Variants in RASAL2 observed in about 807,000 individuals in gnomAD.
The protein encoded by RASAL2 is ras GTPase-activating protein nGAP.
RASAL2 carries 58 observed loss-of-function variants against 128.9 expected under a neutral mutation model. The ratio of observed to expected loss-of-function variants is 0.45; its 90% confidence interval spans 0.36 to 0.56. RASAL2 has a LOEUF of 0.56. Among genes scored for constraint, RASAL2 ranks in the 20% least tolerant of loss-of-function variants. RASAL2 has a pLI of 0.00. For missense variants in RASAL2, 1,360 were observed against 1,601.6 expected (o/e 0.85, Z 2.57); for synonymous variants, 561 against 580.8 (o/e 0.97, Z 0.49).
Position 178,473,283 on chromosome 1 carries a change from C to G in RASAL2, c.*44C>G, listed in dbSNP as rs1435853316. 13 of 1,607,598 alleles carry G rather than the reference C, an allele frequency of 8.1e-6. No individual in the cohort carries two copies. The highest frequency in any genetic ancestry group is 1.1e-5 in the Non-Finnish European group (13 of 1,174,578). On this transcript the variant is annotated 3_prime_UTR_variant, in exon 18 of 18. Coordinates refer to ENST00000367649, the MANE Select transcript of RASAL2 (RefSeq NM_170692.4). The stretch of plus-strand genomic sequence containing the variant: ...GGAGACAGAAGGAAATTGACCCACT[C>G]TCCTATCTCCAGACCTTTACCTAGC...
intron 3 of RASAL2, among the ~76,000 whole-genome samples, chr1:178,356,507 A>G (rs1157948768): frequency 2.0e-5 from 3 of 152,190 alleles, no homozygotes; most frequent in Non-Finnish European, 1.5e-5. Flanking sequence ...ATGTAGTAAA[A>G]TGAACAAACT....
intron 1 of RASAL2, among the ~76,000 whole-genome samples, chr1:178,230,332 T>C (rs1663951969): frequency 6.6e-6 from 1 of 152,218 alleles, no homozygotes; most frequent in Non-Finnish European, 1.5e-5. Context: ...TGCTGGTTCA[T>C]AGGGCAGATG....
intron 1 of RASAL2, among the ~76,000 whole-genome samples, chr1:178,208,281 A>G (rs1356291248): frequency 6.6e-6 from 1 of 152,168 alleles, no homozygotes. Flanking sequence ...CTATAAATGG[A>G]TGTGCGAGTA....
intron 1 of RASAL2, among the ~76,000 whole-genome samples, chr1:178,132,221 A>G (rs1323071550): frequency 6.8e-6 from 1 of 147,102 alleles, no homozygotes; most frequent in Admixed American, 6.9e-5. Context: ...AAAAAATTTT[A>G]AATTTTTTTT....
intron 1 of RASAL2, among the ~76,000 whole-genome samples, chr1:178,163,059 C>T (rs1661388096): frequency 6.6e-6 from 1 of 151,416 alleles, no homozygotes; most frequent in Admixed American, 6.6e-5. Flanking sequence ...AAACCTCTGC[C>T]TCCTGGTTTC....
In RASAL2 at chr1:178,420,681, T is replaced by C; in HGVS notation, c.674+61T>C. ...TTTGAGAGTGAATTTTGTTAAGGCATTTTGGTCTATTCTGAATTTGAATCA... is the reference window on the plus strand; with the variant it reads ...TTTGAGAGTGAATTTTGTTAAGGCACTTTGGTCTATTCTGAATTTGAATCA... On this transcript the variant is annotated intron_variant, in intron 5 of 17. Coordinates refer to ENST00000367649, the MANE Select transcript of RASAL2 (RefSeq NM_170692.4). The C allele has an allele frequency of 4.0e-6, 5 of 1,255,282 alleles. No homozygotes were observed. The South Asian group carries it at 5.7e-5, about 14-fold the overall frequency. The allele number at this position is 1,255,282 out of a possible 1,614,324, so 77.8% of individuals were successfully genotyped here. A position where few individuals can be genotyped will look rare whatever the true frequency, so the allele number is the denominator to read the frequency against.
intron 14 of RASAL2, among the ~76,000 whole-genome samples, chr1:178,459,296 AT>A (rs1419533005): frequency 6.6e-6 from 1 of 151,928 alleles, no homozygotes; most frequent in Admixed American, 6.6e-5. Context: ...ATCAATACAT[AT>A]TTTTCCCTTT....
intron 5 of RASAL2, among the ~76,000 whole-genome samples, chr1:178,432,324 T>TA (rs1675966631): frequency 1.3e-5 from 2 of 152,084 alleles, no homozygotes; most frequent in Admixed American, 6.6e-5. Flanking sequence ...AGTCTCCAAT[T>TA]ACCTCTAAAT....
chr1:178,250,399 C>T (rs1397040865), intron 1 of RASAL2, among the ~76,000 whole-genome samples: 2 of 152,224 alleles, frequency 1.3e-5, no homozygotes, highest in Non-Finnish European at 2.9e-5. Context: ...CTACTCAAGC[C>T]TCAGCAATGG....
At chr1:178,112,246 TATTTTATTTAAG>T (rs1256292591) in intron 1 of RASAL2, among the ~76,000 whole-genome samples, 2 of 152,188 alleles carry the variant, frequency 1.3e-5, no homozygotes, top group Non-Finnish European at 2.9e-5. Context: ...GTACTTTTGC[TATTTTATTTAAG>T]AAATCATTGT....
chr1:178,150,090 A>G (rs1228151363), intron 1 of RASAL2, among the ~76,000 whole-genome samples: 1 of 152,234 alleles, frequency 6.6e-6, no homozygotes, highest in Non-Finnish European at 1.5e-5. Flanking sequence ...CTTGATTATG[A>G]AACTTTTCAT....
chr1:178,431,865 A>T (rs10753178), intron 5 of RASAL2, among the ~76,000 whole-genome samples: 32,817 of 148,080 alleles, frequency 0.22, 6,232 homozygotes, highest in African/African-American at 0.53. Context: ...TATTTAAATA[A>T]ATTATGTATA....
At chr1:178,125,531 G>GTGTTTTAT in intron 1 of RASAL2, 1 of 152,170 alleles carries the variant, frequency 6.6e-6, no homozygotes, top group African/African-American at 2.4e-5. Context: ...TAAAATCATG[G>GTGTTTTAT]TGTTTTATTT....
At chr1:178,170,108 A>C (rs943697637) in intron 1 of RASAL2, among the ~76,000 whole-genome samples, 3 of 151,958 alleles carry the variant, frequency 2.0e-5, no homozygotes, top group Non-Finnish European at 4.4e-5. Context: ...GATACATTGA[A>C]AATAGGCAAT....
At chr1:178,354,677 A>G (rs73035267) in intron 3 of RASAL2, among the ~76,000 whole-genome samples, 10,710 of 152,302 alleles carry the variant, frequency 0.07, 1,213 homozygotes, top group African/African-American at 0.24. Context: ...TAGATCAACA[A>G]TAAACTGAAA....
At chr1:178,310,660 G>A (rs1668201034) in intron 3 of RASAL2, among the ~76,000 whole-genome samples, 1 of 152,094 alleles carries the variant, frequency 6.6e-6, no homozygotes, top group African/African-American at 2.4e-5. Flanking sequence ...TTGAAGTTTG[G>A]ATTCCTAATT....
chr1:178,253,291 C>T (rs1182338089), intron 1 of RASAL2, among the ~76,000 whole-genome samples: 4 of 152,028 alleles, frequency 2.6e-5, no homozygotes, highest in Non-Finnish European at 4.4e-5. Context: ...TCAGACTCAC[C>T]GTACTCCAAT....
intron 5 of RASAL2, among the ~76,000 whole-genome samples, chr1:178,437,231 G>T (rs1167428551): frequency 6.6e-6 from 1 of 152,076 alleles, no homozygotes; most frequent in Non-Finnish European, 1.5e-5. Flanking sequence ...TTGATCTGTT[G>T]TTTGTGTTTC....
At chr1:178,454,196 T>TAAAAA (rs56786408) in intron 11 of RASAL2, among the ~76,000 whole-genome samples, 1 of 80,234 alleles carries the variant, frequency 1.2e-5, no homozygotes. Flanking sequence ...ATCCCAGAAC[T>TAAAAA]AAAAAAAAAA....
Sources: allele counts gnomAD v4.1 joint callset (sites outside exome capture counted in the v4.1 genomes callset), GRCh38; gene constraint gnomAD v4.1.1; transcripts MANE v1.5; gene names NCBI Gene and HGNC (gene_info 2026-07-23, HGNC 2026-07-21).